The following DPH6 variants were observed in gnomAD, a reference collection of about 807,000 sequenced individuals.
DPH6 encodes the protein diphthine--ammonia ligase.
Under a neutral mutation model 38.2 loss-of-function variants are expected in DPH6, and 33 were observed. The ratio of observed to expected loss-of-function variants is 0.86; its 90% CI spans 0.65 to 1.15. The LOEUF (loss-of-function observed/expected upper bound fraction) is 1.15, where lower values mean the gene tolerates loss of function less well. Among genes scored for constraint, DPH6 ranks in the 50% most tolerant of loss-of-function variants. The pLI is 0.00. For missense variants in DPH6, 325 were observed against 320.0 expected, an observed-to-expected ratio of 1.02 and a Z score of -0.12; for synonymous variants, 108 against 103.0, an observed-to-expected ratio of 1.05 and a Z score of -0.30.
intron 3 of DPH6, among the ~76,000 whole-genome samples, chr15:35,322,313 C>T (rs1402571514): frequency 2.6e-5 from 4 of 152,170 alleles, no homozygotes; most frequent in African/African-American, 9.6e-5. Flanking sequence ...GGTTTTTGGA[C>T]TCTAAGCAAG....
chr15:35,330,042 C>T (rs1351010831), downstream of DPH6, among the ~76,000 whole-genome samples: 1 of 152,044 alleles, frequency 6.6e-6, no homozygotes, highest in Non-Finnish European at 1.5e-5. Flanking sequence ...ACAGATTATG[C>T]CCCAAAGATT....
At position 35,382,052 on chromosome 15, in the gene DPH6, A is replaced by G. The variant is rs1348359159; in HGVS notation, c.568-136T>C. On this transcript the variant is annotated intron_variant, in intron 6 of 8. Coordinates refer to ENST00000256538, the MANE Select transcript of DPH6 (RefSeq NM_080650.4). ...GTTTGCAAGGTAAGGAAAATTAATT[A>G]TATTTCTGCTTAAAACCTGTTTAAA... 4.6e-6 allele frequency: 3 copies of G among 656,342 alleles called. No homozygotes were observed. In the East Asian group the frequency reaches 8.3e-5, roughly 18 times the overall value. The allele number at this position is 656,342 out of a possible 1,614,324, so 40.7% of individuals were successfully genotyped here. A position where few individuals can be genotyped will look rare whatever the true frequency, so the allele number is the denominator to read the frequency against.
intron 3 of DPH6, among the ~76,000 whole-genome samples, chr15:35,270,021 G>A (rs1035580901): frequency 2.3e-4 from 34 of 146,728 alleles, no homozygotes; most frequent in African/African-American, 8.1e-4. Context: ...CTCGATCTCC[G>A]ATCTCCTGAC....
At chr15:35,232,016 T>C (rs558136932) in intron 3 of DPH6, among the ~76,000 whole-genome samples, 1 of 152,142 alleles carries the variant, frequency 6.6e-6, no homozygotes, top group Non-Finnish European at 1.5e-5. Context: ...ACTTGAAATT[T>C]TGGGGAACAA....
intron 3 of DPH6, among the ~76,000 whole-genome samples, chr15:35,472,100 A>T (rs2054205927): frequency 6.6e-6 from 1 of 152,224 alleles, no homozygotes; most frequent in Non-Finnish European, 1.5e-5. Context: ...TAAAAAATAG[A>T]TAAACAACAA....
At chr15:35,204,571 G>A in the DPH6 span, among the ~76,000 whole-genome samples, 385 of 151,790 alleles carry the variant, frequency 2.5e-3, 3 homozygotes, top group Non-Finnish European at 3.6e-3. Context: ...TTTTAGGAAC[G>A]TATGATCTTT....
chr15:35,427,146 A>C (rs2053580092), intron 5 of DPH6, among the ~76,000 whole-genome samples: 1 of 151,922 alleles, frequency 6.6e-6, no homozygotes, highest in African/African-American at 2.4e-5. Context: ...AGAGGATGTA[A>C]GAAGCAGAGA....
the DPH6 span, among the ~76,000 whole-genome samples, chr15:35,189,773 T>C: frequency 2.0e-5 from 3 of 152,106 alleles, no homozygotes; most frequent in Non-Finnish European, 4.4e-5. Context: ...CCATACAAAA[T>C]ATAAAAAAAG....
At chr15:35,345,130 A>G (rs1258505126) in intron 3 of DPH6, among the ~76,000 whole-genome samples, 2 of 151,894 alleles carry the variant, frequency 1.3e-5, no homozygotes, top group African/African-American at 4.8e-5. Context: ...GTTAGAAGAT[A>G]TGCCCAAAGT....
chr15:35,169,570 A>C, the DPH6 span: 1 of 152,144 alleles, frequency 6.6e-6, no homozygotes, highest in Non-Finnish European at 1.5e-5. Flanking sequence ...TGCAGTAGAC[A>C]GTAGAGCAGT....
intron 3 of DPH6, among the ~76,000 whole-genome samples, chr15:35,249,292 T>C (rs1432959552): frequency 6.6e-6 from 1 of 152,144 alleles, no homozygotes; most frequent in Non-Finnish European, 1.5e-5. Flanking sequence ...AATCCTGTCA[T>C]ATACCAGAAA....
intron 5 of DPH6, among the ~76,000 whole-genome samples, chr15:35,437,238 C>T (rs555321748): frequency 6.6e-6 from 1 of 152,186 alleles, no homozygotes; most frequent in African/African-American, 2.4e-5. Flanking sequence ...AGATGAGTAG[C>T]CATTCATCTT....
chr15:35,239,548 C>T (rs1414993672), intron 3 of DPH6, among the ~76,000 whole-genome samples: 1 of 142,532 alleles, frequency 7.0e-6, no homozygotes, highest in African/African-American at 2.6e-5. Context: ...GGAGCAAGTA[C>T]CCCAACCCCT....
chr15:35,158,517 T>C, the DPH6 span, among the ~76,000 whole-genome samples: 15 of 152,054 alleles, frequency 9.9e-5, no homozygotes, highest in African/African-American at 3.4e-4. Context: ...ATAACATCCA[T>C]AATTATTTCT....
chr15:35,479,464 T>G (rs996655806), intron 3 of DPH6, among the ~76,000 whole-genome samples: 3 of 152,154 alleles, frequency 2.0e-5, no homozygotes, highest in Non-Finnish European at 4.4e-5. Flanking sequence ...CAGCAACATG[T>G]ACCTTTTAGG....
chr15:35,489,344 G>A (rs2141168764), intron 3 of DPH6: 1 of 985,288 alleles, frequency 1.0e-6, no homozygotes, highest in African/African-American at 1.7e-5. Context: ...TTTTGAAAGT[G>A]CTCCAATCCC....
rs1202605894 is a variant in DPH6 at position 35,242,558 on chromosome 15, C to G, written n.201-21976G>C. ...ACCTCTATACAGTCTGATAACAGAC[C>G]AGCTTTTATTAGTCAAATCAGCCAA... is the stretch of plus-strand genomic sequence containing the variant. On this transcript the variant is annotated intron_variant and non_coding_transcript_variant, in intron 3 of 3. Coordinates refer to the DPH6 transcript ENST00000560386. Among the ~76,000 whole-genome samples the G allele has an allele frequency of 1.4e-5, 2 of 143,278 alleles. 1 individual carries two copies. The highest frequency in any genetic ancestry group is 3.1e-5 in the Non-Finnish European group (2 of 65,430). 94.0% of individuals were successfully genotyped at this position (143,278 alleles called of 152,430 possible).
intron 3 of DPH6, among the ~76,000 whole-genome samples, chr15:35,227,088 T>C (rs2140389430): frequency 6.6e-6 from 1 of 152,196 alleles, no homozygotes; most frequent in South Asian, 2.1e-4. Context: ...CCGTTTCTTT[T>C]AGATTTTCCA....
intron 3 of DPH6, among the ~76,000 whole-genome samples, chr15:35,512,511 G>GC (rs1177208538): frequency 1.3e-5 from 2 of 151,888 alleles, no homozygotes; most frequent in African/African-American, 4.8e-5. Context: ...ATCTACTTTA[G>GC]CCCCCTTAAA....
Sources: gnomAD v4.1 joint callset for allele counts (sites outside exome capture counted in the v4.1 genomes callset) on GRCh38, gnomAD v4.1.1 for gene constraint, MANE v1.5 for transcripts, NCBI Gene and HGNC (gene_info 2026-07-23, HGNC 2026-07-21) for gene names.